Variants in RIC8B observed in about 807,000 individuals in gnomAD.
RIC8B encodes chaperone Ric-8B.
A neutral mutation model predicts 57.5 loss-of-function variants in RIC8B; 16 were observed. That is an observed-to-expected ratio of 0.28 (90% CI 0.19 to 0.42). RIC8B has a LOEUF of 0.42. Among genes scored for constraint, RIC8B ranks in the 10% least tolerant of loss-of-function variants. The pLI is 1.00. For synonymous variants in RIC8B, 216 were observed against 250.8 expected (o/e 0.86, Z 1.31); for missense variants, 481 against 677.0 (o/e 0.71, Z 3.21).
At chr12:106,884,696 G>A (rs1951096770) in intron 9 of RIC8B, among the ~76,000 whole-genome samples, 2 of 152,192 alleles carry the variant, frequency 1.3e-5, no homozygotes, top group Non-Finnish European at 2.9e-5. Flanking sequence ...TACTGAGCTA[G>A]CCAGAGCTCT....
chr12:106,813,496 A>G (rs2045433105), intron 2 of RIC8B, among the ~76,000 whole-genome samples: 3 of 151,926 alleles, frequency 2.0e-5, no homozygotes, highest in Admixed American at 1.3e-4. Context: ...AGCCTTCTAT[A>G]CCATTTTATA....
intron 9 of RIC8B, among the ~76,000 whole-genome samples, chr12:106,883,183 A>G (rs1055701347): frequency 2.6e-5 from 4 of 151,778 alleles, no homozygotes; most frequent in African/African-American, 4.8e-5. Flanking sequence ...ACTTTTACCT[A>G]TCCCTACCCT....
chr12:106,822,685 A>G (rs1391259480), intron 3 of RIC8B: 2 of 152,242 alleles, frequency 1.3e-5, no homozygotes, highest in East Asian at 3.8e-4. Flanking sequence ...AAGTTTCTAA[A>G]TGTTCACACA....
intron 1 of RIC8B, among the ~76,000 whole-genome samples, chr12:106,775,917 C>T (rs541173528): frequency 4.6e-5 from 7 of 152,330 alleles, no homozygotes; most frequent in Admixed American, 2.6e-4. Context: ...TTTGTGTCCA[C>T]CACTGCATCC....
chr12:106,888,714 A>C lies in RIC8B; in HGVS notation c.*2699A>C, dbSNP rs1951284155. 6.6e-6 allele frequency: 1 copy of C among 152,624 alleles called. No individual in the cohort carries two copies. Among genetic ancestry groups the C allele is most frequent in the African/African-American group, 2.4e-5 (1 of 41,434 alleles). The allele number at this position is 152,624 out of a possible 1,614,324, so 9.5% of individuals were successfully genotyped here. A position where few individuals can be genotyped will look rare whatever the true frequency, so the allele number is the denominator to read the frequency against. On this transcript the variant is annotated 3_prime_UTR_variant, in exon 10 of 10. Coordinates refer to ENST00000392837, the MANE Select transcript of RIC8B (RefSeq NM_001330145.2). ...GGGAAACTTGCATGGTCAGCACTGG[A>C]TTTCCAATGAAGACCTGGAATCCGT...
At chr12:106,883,052 C>T (rs191897761) in intron 9 of RIC8B, among the ~76,000 whole-genome samples, 137 of 152,264 alleles carry the variant, frequency 9.0e-4, no homozygotes, top group Admixed American at 3.0e-3. Context: ...CTAGATACTT[C>T]ACACAAGTTA....
chr12:106,861,538 T>A (rs1026632951), intron 8 of RIC8B, among the ~76,000 whole-genome samples: 1 of 151,910 alleles, frequency 6.6e-6, no homozygotes, highest in Admixed American at 6.6e-5. Flanking sequence ...AAATAAAGAC[T>A]TTTTGGGGGA....
At chr12:106,874,704 C>A in intron 9 of RIC8B, 1 of 604,424 alleles carries the variant, frequency 1.7e-6, no homozygotes. Context: ...GCCGCTGCCT[C>A]AAGGAGCTCA....
Position 106,889,255 on chromosome 12 carries a change from C to T in RIC8B, c.*3240C>T, listed in dbSNP as rs1951309973. ...TCATGCTGTATTTACAGATTTGTAT[C>T]CTGCTTTCTTTAACATATTGTGAGC... On this transcript the variant is annotated 3_prime_UTR_variant, in exon 10 of 10. Transcript: ENST00000392837. The T allele has an allele frequency of 6.6e-6, 1 of 151,810 alleles. No individual in the cohort carries two copies. The highest frequency in any genetic ancestry group is 6.6e-5 in the Admixed American group (1 of 15,234). 9.4% of individuals were successfully genotyped at this position (151,810 alleles called of 1,614,324 possible).
chr12:106,872,361 C>A (rs1421781268), intron 9 of RIC8B, among the ~76,000 whole-genome samples: 6 of 152,150 alleles, frequency 3.9e-5, no homozygotes, highest in African/African-American at 9.7e-5. Context: ...GGTATAAAAA[C>A]AACAGGATAA....
chr12:106,785,256 C>A (rs999047579), intron 2 of RIC8B, among the ~76,000 whole-genome samples: 1 of 152,128 alleles, frequency 6.6e-6, no homozygotes, highest in Non-Finnish European at 1.5e-5. Flanking sequence ...CTGTTTCTTG[C>A]TTACTACTTT....
chr12:106,842,970 T>G (rs1949024363), intron 5 of RIC8B, among the ~76,000 whole-genome samples, 153 bp downstream of exon 5: 1 of 152,206 alleles, frequency 6.6e-6, no homozygotes, highest in Non-Finnish European at 1.5e-5. Flanking sequence ...GGAAAGCAGT[T>G]TATTACAATA....
At chr12:106,809,874 A>G (rs1431803985) in intron 2 of RIC8B, among the ~76,000 whole-genome samples, 1 of 152,026 alleles carries the variant, frequency 6.6e-6, no homozygotes, top group Non-Finnish European at 1.5e-5. Flanking sequence ...TTTGAAATAT[A>G]TAATAAATTA....
intron 1 of RIC8B, among the ~76,000 whole-genome samples, chr12:106,775,587 A>G (rs1175975513): frequency 6.6e-6 from 1 of 152,248 alleles, no homozygotes; most frequent in African/African-American, 2.4e-5. Context: ...GCCCAAGGTC[A>G]TACTTGGAGC....
At chr12:106,846,191 C>T (rs758674544) in intron 6 of RIC8B, among the ~76,000 whole-genome samples, 5 of 152,192 alleles carry the variant, frequency 3.3e-5, no homozygotes, top group African/African-American at 4.8e-5. Context: ...CTCATCTCCT[C>T]CTCTTGGATG....
intron 2 of RIC8B, among the ~76,000 whole-genome samples, chr12:106,799,783 C>T (rs1593130229): frequency 1.3e-5 from 2 of 152,102 alleles, no homozygotes; most frequent in East Asian, 3.9e-4. Context: ...GTTCTTATGC[C>T]TTTGAAGACC....
At chr12:106,832,899 T>G (rs1261475659) in intron 4 of RIC8B, among the ~76,000 whole-genome samples, 1 of 152,256 alleles carries the variant, frequency 6.6e-6, no homozygotes, top group Non-Finnish European at 1.5e-5. Flanking sequence ...CTTCTGCCTC[T>G]TGAGGCCTTA....
intron 2 of RIC8B, among the ~76,000 whole-genome samples, chr12:106,809,782 CAG>C (rs2045249972): frequency 1.3e-5 from 2 of 151,950 alleles, no homozygotes; most frequent in East Asian, 3.9e-4. Flanking sequence ...ATGATCAAAT[CAG>C]GGTAATTGGG....
At chr12:106,831,711 T>G (rs780752830) in intron 4 of RIC8B, among the ~76,000 whole-genome samples, 4 of 152,216 alleles carry the variant, frequency 2.6e-5, no homozygotes, top group Non-Finnish European at 5.9e-5. Flanking sequence ...AGTCTCTGCC[T>G]AATAAATTGG....
Sources: gnomAD v4.1 joint callset for allele counts (sites outside exome capture counted in the v4.1 genomes callset) on GRCh38, gnomAD v4.1.1 for gene constraint, MANE v1.5 for transcripts, NCBI Gene and HGNC (gene_info 2026-07-23, HGNC 2026-07-21) for gene names.